The following ABR variants were observed in gnomAD, a reference collection of about 807,000 sequenced individuals.
ABR encodes the protein ABR activator of RhoGEF and GTPase.
Under a neutral mutation model 107.2 loss-of-function variants are expected in ABR, and 35 were observed. The ratio of observed to expected loss-of-function variants is 0.33; its 90% confidence interval spans 0.25 to 0.43. The LOEUF (loss-of-function observed/expected upper bound fraction) is 0.43, where lower values mean the gene tolerates loss of function less well. Among genes scored for constraint, ABR ranks in the 20% least tolerant of loss-of-function variants. The pLI is 1.00. For missense variants in ABR, 815 were observed against 1,115.2 expected (o/e 0.73, Z 3.83); for synonymous variants, 498 against 462.0 (o/e 1.08, Z -1.00).
chr17:1,037,392 G>A lies in ABR; in HGVS notation c.1791+12658C>T, dbSNP rs1297674884. 6.6e-6 allele frequency among the ~76,000 whole-genome samples: 1 copy of A among 152,194 alleles called. No homozygotes were observed. Among genetic ancestry groups the A allele is most frequent in the South Asian group, 2.1e-4 (1 of 4,824 alleles). On this transcript the variant is annotated intron_variant, in intron 16 of 22. Transcript: ENST00000302538. This position sits in a 1 kb window ranked among gnomAD's most constrained non-coding sequence, Gnocchi z 4.6. ...GCCACGTCAGGCTGGTGTCGCCAGGGTGCTCGGTGGTTCTAGGTACGGAGG... is the reference window on the plus strand; with the variant it reads ...GCCACGTCAGGCTGGTGTCGCCAGGATGCTCGGTGGTTCTAGGTACGGAGG...
intron 1 of ABR, among the ~76,000 whole-genome samples, chr17:1,175,316 G>T (rs2041879921): frequency 6.6e-6 from 1 of 152,206 alleles, no homozygotes; most frequent in Admixed American, 6.5e-5. Flanking sequence ...GGAGGCTGAG[G>T]CAGGAGAATC....
In ABR at chr17:1,071,079, CT is replaced by C. The variant is rs1458896379; in HGVS notation, c.895-990del. 5.9e-5 allele frequency among the ~76,000 whole-genome samples: 9 copies of C among 152,078 alleles called. No individual in the cohort carries two copies. Among genetic ancestry groups the C allele is most frequent in the Admixed American group, 5.9e-4 (9 of 15,282 alleles). On this transcript the variant is annotated intron_variant, in intron 8 of 22. Coordinates refer to ENST00000302538, the MANE Select transcript of ABR (RefSeq NM_021962.5). This position sits in a 1 kb window ranked among gnomAD's most constrained non-coding sequence, Gnocchi z 5.1. ...TTGGGAGGATGAGGCAGGAGAATTG[CT>C]TGAACCCAGAGGGTGGAGGCTGCAG...
intron 2 of ABR, among the ~76,000 whole-genome samples, chr17:1,105,543 C>A (rs1030687098): frequency 2.6e-5 from 4 of 151,994 alleles, no homozygotes; most frequent in Non-Finnish European, 5.9e-5. Flanking sequence ...GCAGGTGAAA[C>A]AGAAATAGAG....
In ABR at chr17:1,092,577, G is replaced by A. The variant is rs1009249009; in HGVS notation, c.346-727C>T. The stretch of plus-strand genomic sequence containing the variant: ...CACAGACCAACCCCCAGCACTGGCC[G>A]GGAGCTGATGCCATCACCTTCCAGC... On this transcript the variant is annotated intron_variant, in intron 3 of 22. Transcript: ENST00000302538. This position sits in a 1 kb window ranked among gnomAD's most constrained non-coding sequence, Gnocchi z 4.6. Among the ~76,000 whole-genome samples the A allele has an allele frequency of 4.6e-5, 7 of 152,294 alleles. No homozygotes were observed. Among genetic ancestry groups the A allele is most frequent in the Non-Finnish European group, 7.3e-5 (5 of 68,030 alleles).
At chr17:1,098,900 C>A (rs568496441) in intron 3 of ABR, among the ~76,000 whole-genome samples, 73 of 152,352 alleles carry the variant, frequency 4.8e-4, no homozygotes, top group Non-Finnish European at 9.8e-4. Flanking sequence ...ATTCTCCTGC[C>A]TCAGCCTCCT....
rs1024360198 is a variant in ABR, at chr17:1,100,824, G to C, written c.247-89C>G. ...GTCTGCTTCCCTGCCCTTCCCCCCCGACCTTTATTTTTTTTTTGAGACGAA... is the reference window on the plus strand; with the variant it reads ...GTCTGCTTCCCTGCCCTTCCCCCCCCACCTTTATTTTTTTTTTGAGACGAA... On this transcript the variant is annotated intron_variant, in intron 2 of 22. Coordinates refer to ENST00000302538, the MANE Select transcript of ABR (RefSeq NM_021962.5). 9 of 1,263,208 alleles carry C rather than the reference G, an allele frequency of 7.1e-6. No homozygotes were observed. The Admixed American group carries it at 1.5e-4, about 21-fold the overall frequency. 78.2% of individuals were successfully genotyped at this position (1,263,208 alleles called of 1,614,324 possible).
Position 1,070,070 on chromosome 17 carries a change from G to A in ABR, c.915C>T (p.Asp305=), listed in dbSNP as rs780538452. 9 of 1,613,680 alleles carry A rather than the reference G, an allele frequency of 5.6e-6. No individual in the cohort carries two copies. The highest frequency in any genetic ancestry group is 5.0e-5 in the Admixed American group (3 of 59,972). The change falls in exon 9 of 23, where the codon GAC becomes GAT. Residue 305 remains aspartate (D), a synonymous_variant. Coordinates refer to ENST00000302538, the MANE Select transcript of ABR (RefSeq NM_021962.5). This position sits in a 1 kb window ranked among gnomAD's most constrained non-coding sequence, Gnocchi z 4.2. ...PKGETRQLVK[D]GFLVEVSESS... ...TCTCTGACACTTCCACCAGGAAGCC[G>A]TCCTTCACCAGCTGTCGCGTCTGAG...
At chr17:1,135,774 G>A (rs1189410538) in intron 1 of ABR, among the ~76,000 whole-genome samples, 1 of 152,160 alleles carries the variant, frequency 6.6e-6, no homozygotes, top group Non-Finnish European at 1.5e-5. Flanking sequence ...TATTCGGGGG[G>A]CTGAGGCAGG....
At chr17:1,006,682 G>A (rs545537350) in intron 22 of ABR, among the ~76,000 whole-genome samples, 22 of 152,304 alleles carry the variant, frequency 1.4e-4, no homozygotes, top group Non-Finnish European at 2.8e-4. Context: ...TTCCCACGAG[G>A]GAAGAGGTGT....
intron 21 of ABR, among the ~76,000 whole-genome samples, chr17:1,008,480 GGGAACAGACTGTGCCCAGTTCCCAGGGT>G (rs1248066002): frequency 1.3e-5 from 2 of 152,220 alleles, no homozygotes; most frequent in African/African-American, 2.4e-5. Context: ...GCCCAGATGT[GGGAACAGACTGTGCCCAGTTCCCAGGGT>G]GGAAGCCGAA....
At chr17:1,006,810 C>T (rs1302322816) in intron 22 of ABR, among the ~76,000 whole-genome samples, 1 of 114,330 alleles carries the variant, frequency 8.7e-6, no homozygotes, top group Non-Finnish European at 1.9e-5. Flanking sequence ...CACCCTCCGC[C>T]AGCCACGGGC....
At chr17:1,062,314 A>T (rs1196118419) in intron 10 of ABR, among the ~76,000 whole-genome samples, 1 of 149,168 alleles carries the variant, frequency 6.7e-6, no homozygotes, top group Non-Finnish European at 1.5e-5. Context: ...ATGTTCCTCC[A>T]GACACTGTTG....
chr17:1,205,001 T>A (rs1045473082), intron 1 of ABR, among the ~76,000 whole-genome samples: 1 of 146,462 alleles, frequency 6.8e-6, no homozygotes. Flanking sequence ...CCTCCTGGGT[T>A]AAAGTGATTC....
At chr17:1,144,402 A>G (rs1244838697) in intron 1 of ABR, among the ~76,000 whole-genome samples, 2 of 152,004 alleles carry the variant, frequency 1.3e-5, no homozygotes, top group East Asian at 1.9e-4. Flanking sequence ...CGAGGTGGGC[A>G]TGGGGCCAGG....
intron 16 of ABR, among the ~76,000 whole-genome samples, chr17:1,049,010 G>A (rs1426261781): frequency 2.0e-5 from 3 of 152,114 alleles, no homozygotes; most frequent in African/African-American, 4.8e-5. Flanking sequence ...GCTCCACCAC[G>A]TCACGCCTTT....
intron 1 of ABR, among the ~76,000 whole-genome samples, chr17:1,166,593 G>A (rs531914978): frequency 2.0e-5 from 3 of 152,344 alleles, no homozygotes; most frequent in Admixed American, 6.5e-5. Context: ...GGAGTTTAGA[G>A]TTTATCCTGC....
intron 1 of ABR, among the ~76,000 whole-genome samples, chr17:1,129,222 C>T (rs1325578361): frequency 1.3e-5 from 2 of 152,134 alleles, no homozygotes; most frequent in Non-Finnish European, 2.9e-5. Context: ...GGACAAATAC[C>T]TAATGCACGA....
intron 1 of ABR, among the ~76,000 whole-genome samples, chr17:1,137,010 T>TG (rs1253330101): frequency 7.9e-5 from 1 of 12,610 alleles, no homozygotes; most frequent in Non-Finnish European, 6.8e-4. Flanking sequence ...TCATTTCTTT[T>TG]TTCTCTCTCT....
At chr17:1,080,773 G>A (rs2036174088) in intron 5 of ABR, among the ~76,000 whole-genome samples, 1 of 121,750 alleles carries the variant, frequency 8.2e-6, no homozygotes, top group Non-Finnish European at 1.7e-5. Context: ...GCGGGGGGGT[G>A]GGGGATACTC....
Sources: allele counts gnomAD v4.1 joint callset (sites outside exome capture counted in the v4.1 genomes callset), GRCh38; gene constraint gnomAD v4.1.1; non-coding constraint Gnocchi (gnomAD v3.1); transcripts MANE v1.5; gene names NCBI Gene and HGNC (gene_info 2026-07-23, HGNC 2026-07-21).